SPMAP2: variants seen among roughly 807,000 people sequenced by gnomAD.
The protein encoded by SPMAP2 is sperm microtubule associated protein 2.
At chr19:364,318 CAG>C in the SPMAP2 span, among the ~76,000 whole-genome samples, 4 of 114,462 alleles carry the variant, frequency 3.5e-5, no homozygotes, top group Middle Eastern at 0.018. Flanking sequence ...GCCTGGGTGA[CAG>C]AGCGAAGCTC....
chr19:361,874 CCGACGG>C, the SPMAP2 span: 17 of 154,116 alleles, frequency 1.1e-4, 2 homozygotes, highest in African/African-American at 4.0e-4. Flanking sequence ...CGTTCCGACT[CCGACGG>C]TCCCGTGGCC....
the SPMAP2 span, among the ~76,000 whole-genome samples, chr19:365,439 G>A: frequency 8.9e-3 from 1,355 of 151,780 alleles, 12 homozygotes; most frequent in Non-Finnish European, 0.015. Context: ...CAGCACTCCC[G>A]AGCAGCAGCA....
At chr19:373,727 G>T in the SPMAP2 span, among the ~76,000 whole-genome samples, 4 of 152,100 alleles carry the variant, frequency 2.6e-5, no homozygotes, top group Non-Finnish European at 5.9e-5. Flanking sequence ...TCCAGAGAAG[G>T]AGGTAGCTGG....
chr19:363,679 G>C, the SPMAP2 span, among the ~76,000 whole-genome samples: 3 of 148,398 alleles, frequency 2.0e-5, no homozygotes, highest in African/African-American at 5.0e-5. Context: ...GGCTACAGGC[G>C]CCCGCCACCA....
the SPMAP2 span, among the ~76,000 whole-genome samples, chr19:375,429 T>G: frequency 6.6e-6 from 1 of 152,178 alleles, no homozygotes; most frequent in Non-Finnish European, 1.5e-5. Context: ...TGCCACCAGA[T>G]AGGGGAGCGT....
the SPMAP2 span, among the ~76,000 whole-genome samples, chr19:363,056 G>A: frequency 2.6e-5 from 4 of 152,174 alleles, no homozygotes; most frequent in Non-Finnish European, 5.9e-5. Context: ...GCTGGGAGAC[G>A]GGAATGGGGA....
At chr19:374,910 T>C in the SPMAP2 span, among the ~76,000 whole-genome samples, 1 of 152,208 alleles carries the variant, frequency 6.6e-6, no homozygotes, top group Non-Finnish European at 1.5e-5. Flanking sequence ...CTGTCCTTGC[T>C]TGATGCAGCT....
At chr19:368,419 C>T in the SPMAP2 span, among the ~76,000 whole-genome samples, 6 of 147,358 alleles carry the variant, frequency 4.1e-5, no homozygotes, top group South Asian at 2.3e-4. This position sits in a 1 kb window ranked among gnomAD's most constrained non-coding sequence, Gnocchi z 4.1. Flanking sequence ...CCGCTTCACA[C>T]GTCTCCCACT....
the SPMAP2 span, chr19:362,056 G>A: frequency 1.9e-6 from 1 of 516,908 alleles, no homozygotes; most frequent in Non-Finnish European, 3.3e-6. Context: ...CAAGTCGCAG[G>A]TTGGATGCAA....
chr19:371,016 AG>A, the SPMAP2 span, among the ~76,000 whole-genome samples: 1 of 152,206 alleles, frequency 6.6e-6, no homozygotes, highest in Non-Finnish European at 1.5e-5. Flanking sequence ...ACTGAAGCGC[AG>A]GGAAGGATGA....
At chr19:374,903 T>C in the SPMAP2 span, among the ~76,000 whole-genome samples, 9 of 152,210 alleles carry the variant, frequency 5.9e-5, no homozygotes, top group Non-Finnish European at 1.2e-4. Flanking sequence ...ATCTGCCCTG[T>C]CCTTGCTTGA....
chr19:375,053 C>T, the SPMAP2 span, among the ~76,000 whole-genome samples: 2 of 152,252 alleles, frequency 1.3e-5, no homozygotes, highest in South Asian at 4.2e-4. Context: ...ACGGAAACCA[C>T]GGTGAGAAGG....
chr19:371,834 C>T, the SPMAP2 span, among the ~76,000 whole-genome samples: 3 of 152,184 alleles, frequency 2.0e-5, no homozygotes, highest in African/African-American at 7.2e-5. Flanking sequence ...GAAATAAAGC[C>T]GCATTTCATT....
chr19:367,439 G>T, the SPMAP2 span, among the ~76,000 whole-genome samples: 1 of 152,128 alleles, frequency 6.6e-6, no homozygotes, highest in African/African-American at 2.4e-5. Context: ...CTGAGCAAAG[G>T]GTACAGGAGA....
At chr19:373,223 G>A in the SPMAP2 span, among the ~76,000 whole-genome samples, 3 of 152,194 alleles carry the variant, frequency 2.0e-5, no homozygotes, top group Non-Finnish European at 4.4e-5. Flanking sequence ...TTGTGGAAGG[G>A]AAAGCAAAGG....
the SPMAP2 span, chr19:374,365 C>G: frequency 2.4e-5 from 39 of 1,614,146 alleles, no homozygotes; most frequent in African/African-American, 4.5e-4. Context: ...CCGCCTCCTC[C>G]TCTTCCTTGC....
At chr19:365,513 ACCC>A in the SPMAP2 span, among the ~76,000 whole-genome samples, 1 of 83,318 alleles carries the variant, frequency 1.2e-5, no homozygotes, top group African/African-American at 3.9e-5. Context: ...ACTCGCTCTT[ACCC>A]CCACCACACA....
At chr19:375,749 G>A in the SPMAP2 span, 8 of 1,609,884 alleles carry the variant, frequency 5.0e-6, no homozygotes, top group African/African-American at 8.0e-5. Context: ...GGGTCTCCGG[G>A]AACTCCTCCC....
the SPMAP2 span, among the ~76,000 whole-genome samples, chr19:369,889 C>T: frequency 1.3e-5 from 2 of 152,184 alleles, no homozygotes; most frequent in African/African-American, 4.8e-5. Flanking sequence ...TCAGTTAAGG[C>T]TATTTTTACT....
Sources: allele counts gnomAD v4.1 joint callset (sites outside exome capture counted in the v4.1 genomes callset), GRCh38; gene constraint gnomAD v4.1.1; non-coding constraint Gnocchi (gnomAD v3.1); transcripts MANE v1.5; gene names NCBI Gene and HGNC (gene_info 2026-07-23, HGNC 2026-07-21).